Variants in HMMR observed in about 807,000 individuals in gnomAD.
The protein encoded by HMMR is intracellular hyaluronic acid-binding protein.
Under a neutral mutation model 101.0 loss-of-function variants are expected in HMMR, and 108 were observed. The ratio of observed to expected loss-of-function variants is 1.07; its 90% CI spans 0.92 to 1.25. The LOEUF (loss-of-function observed/expected upper bound fraction) is 1.25. Ranked by LOEUF, HMMR falls within the 50% of genes most tolerant of loss-of-function variation. The pLI, the probability that HMMR is intolerant of heterozygous loss-of-function variation, is 0.00. For synonymous variants in HMMR, 296 were observed against 276.4 expected (o/e 1.07, Z -0.70); for missense variants, 813 against 788.7 (o/e 1.03, Z -0.37).
At position 163,471,477 on chromosome 5, in the gene HMMR, T is replaced by G. The variant is rs771965495; in HGVS notation, c.650+14T>G. On this transcript the variant is annotated intron_variant, in intron 7 of 17. Transcript: ENST00000393915. ...GGAGGGAAAACTGTAAGTGAGTGAA[T>G]GTGAAGAGAAATTGTTAAGTGGAAG... is the stretch of plus-strand genomic sequence containing the variant. The G allele has an allele frequency of 1.9e-5, 30 of 1,543,222 alleles. No individual in the cohort carries two copies. In the Middle Eastern group the frequency reaches 5.0e-4, roughly 26 times the overall value.
chr5:163,487,639 G>T, intron 16 of HMMR, among the ~76,000 whole-genome samples: 1 of 151,526 alleles, frequency 6.6e-6, no homozygotes, highest in African/African-American at 2.4e-5. Flanking sequence ...TTCTTGATTC[G>T]GTTTTCTTCT....
intron 16 of HMMR, among the ~76,000 whole-genome samples, chr5:163,485,876 T>C (rs965007258): frequency 1.3e-5 from 2 of 152,226 alleles, no homozygotes; most frequent in African/African-American, 2.4e-5. Context: ...GGACATGCAA[T>C]AGTCCCCACA....
rs148771217 is a variant in HMMR at position 163,485,431 on chromosome 5, A to T, written c.1962+1186A>T. 3.7e-3 allele frequency among the ~76,000 whole-genome samples: 559 copies of T among 152,296 alleles called. 6 individuals are homozygous for T. Among genetic ancestry groups the T allele is most frequent in the Middle Eastern group, 0.01 (3 of 294 alleles). ...ACTTGCATTTTCTTAATTGGTAATG[A>T]TGTTGGTCATCTTTTCATGTGCTTA... is the stretch of plus-strand genomic sequence containing the variant. On this transcript the variant is annotated intron_variant, in intron 16 of 17. Transcript: ENST00000393915.
At chr5:163,473,283 C>A in intron 8 of HMMR, 30 bp downstream of exon 8, 1 of 1,492,792 alleles carries the variant, frequency 6.7e-7, no homozygotes, top group South Asian at 1.2e-5. Flanking sequence ...TAAATTGAAC[C>A]TTATTTTTTT....
intron 4 of HMMR, among the ~76,000 whole-genome samples, 199 bp from the exon 5 acceptor site, chr5:163,469,442 T>C (rs979197290): frequency 2.0e-5 from 3 of 152,176 alleles, no homozygotes; most frequent in Admixed American, 6.5e-5. Context: ...AGTTCTTATG[T>C]TCTTAAAATG....
intron 2 of HMMR, 87 bp from the exon 3 acceptor site, chr5:163,464,636 A>C: frequency 2.2e-6 from 2 of 903,308 alleles, no homozygotes; most frequent in Middle Eastern, 3.3e-4. Context: ...CAAAAAGAGA[A>C]AGACAAAAAA....
At chr5:163,481,066 C>T (rs1355139177) in intron 12 of HMMR, among the ~76,000 whole-genome samples, 1 of 151,898 alleles carries the variant, frequency 6.6e-6, no homozygotes, top group Non-Finnish European at 1.5e-5. Flanking sequence ...CATTTTTCCA[C>T]CTAGAACTGA....
At chr5:163,490,049 T>C (rs11135260) in intron 16 of HMMR, among the ~76,000 whole-genome samples, 6,920 of 152,340 alleles carry the variant, frequency 0.045, 489 homozygotes, top group African/African-American at 0.15. Context: ...AACTGGTTAA[T>C]ATTTTATAAC....
Position 163,475,545 on chromosome 5 carries a change from C to A in HMMR, c.1141C>A (p.Gln381Lys). The A allele has an allele frequency of 1.2e-6, 2 of 1,610,114 alleles. No homozygotes were observed. Among genetic ancestry groups the A allele is most frequent in the South Asian group, 1.1e-5 (1 of 90,944 alleles). ...GAATCTGTTTGAGGAAGAATTAAAG[C>A]AAACACTGGATGAGCTTGATAAATT... ...EKNLFEEELK[Q>K]TLDELDKLQQ... Residue 381 changes from glutamine to lysine, a missense_variant, in exon 11 of 18, where the codon CAA becomes AAA. Coordinates refer to ENST00000393915, the MANE Select transcript of HMMR (RefSeq NM_001142556.2).
intron 3 of HMMR, among the ~76,000 whole-genome samples, chr5:163,465,859 G>A (rs1027498811): frequency 1.3e-5 from 2 of 151,922 alleles, no homozygotes; most frequent in Non-Finnish European, 2.9e-5. Flanking sequence ...TACTTGGGAA[G>A]CTGAGGCAGG....
chr5:163,485,182 C>A (rs1759434454), intron 16 of HMMR, among the ~76,000 whole-genome samples: 1 of 152,256 alleles, frequency 6.6e-6, no homozygotes, highest in Non-Finnish European at 1.5e-5. Flanking sequence ...TACATTTAAT[C>A]ATTTCAGGAA....
In HMMR at chr5:163,463,885, G is replaced by A; in HGVS notation, c.76G>A (p.Val26Ile). 1 of 1,487,176 alleles carries A rather than the reference G, an allele frequency of 6.7e-7. No homozygotes were observed. The highest frequency in any genetic ancestry group is 9.0e-7 in the Non-Finnish European group (1 of 1,116,100). The allele number at this position is 1,487,176 out of a possible 1,614,324, so 92.1% of individuals were successfully genotyped here. A position where few individuals can be genotyped will look rare whatever the true frequency, so the allele number is the denominator to read the frequency against. The change falls in exon 2 of 18, where the codon GTT becomes ATT. Residue 26 changes from valine (V) to isoleucine (I), a missense_variant. By Grantham distance (29) the Val-to-Ile change is conservative. Coordinates refer to ENST00000393915, the MANE Select transcript of HMMR (RefSeq NM_001142556.2). The stretch of plus-strand genomic sequence containing the variant: ...TGCACCATCTCCAGGTGCTTATGAT[G>A]TTAAAACTTTAGAAGTATTGAAAGG... ...GCAPSPGAYD[V>I]KTLEVLKGPV...
chr5:163,487,912 T>G (rs1365516057), intron 16 of HMMR, among the ~76,000 whole-genome samples: 1 of 152,106 alleles, frequency 6.6e-6, no homozygotes, highest in Non-Finnish European at 1.5e-5. Flanking sequence ...TAGAGTGCAG[T>G]GATGCAATCA....
intron 3 of HMMR, among the ~76,000 whole-genome samples, chr5:163,466,406 G>A (rs918503405): frequency 1.3e-5 from 2 of 152,214 alleles, no homozygotes; most frequent in Non-Finnish European, 2.9e-5. Flanking sequence ...ATAGAGCTAT[G>A]TTGTTCTGTA....
rs567581726 is a variant in HMMR at position 163,474,109 on chromosome 5, G to A, written c.957G>A (p.Met319Ile). ...REHNENLNAE[M>I]QNLKQKFILE... ...ACAACGAAAATCTAAATGCAGAGAT[G>A]CAAAACTTAAAACAGAAGTTTATTC... Residue 319 changes from methionine to isoleucine, a missense_variant, in exon 10 of 18, where the codon ATG becomes ATA. Met to Ile is a conservative substitution (Grantham distance 10, BLOSUM62 1). Transcript: ENST00000393915. 32 of 1,611,512 alleles carry A rather than the reference G, an allele frequency of 2.0e-5. No homozygotes were observed. The South Asian group carries it at 3.5e-4, about 18-fold the overall frequency.
Position 163,490,428 on chromosome 5 carries a change from AC to A in HMMR, c.2002del (p.Gln668LysfsTer10). 3 of 1,594,494 alleles carry A rather than the reference AC, an allele frequency of 1.9e-6. No individual in the cohort carries two copies. Among genetic ancestry groups the A allele is most frequent in the Non-Finnish European group, 1.7e-6 (2 of 1,172,812 alleles). On this transcript the variant is annotated frameshift_variant, in exon 17 of 18. Coordinates refer to ENST00000393915, the MANE Select transcript of HMMR (RefSeq NM_001142556.2). LOFTEE classifies it high-confidence loss of function. The stretch of plus-strand genomic sequence containing the variant: ...TCCGCTGTCAGCTTGCTAAAAAAAA[AC>A]AAAGTGAGACAAAACTTCAAGAGGA... Reference protein sequence around the residue: ...KLRCQLAKKKQSETKLQEELN... With the variant: ...KLRCQLAKKKXSETKLQEELN...
intron 3 of HMMR, among the ~76,000 whole-genome samples, chr5:163,467,457 C>T (rs544214045): frequency 3.9e-5 from 6 of 152,300 alleles, no homozygotes; most frequent in African/African-American, 1.4e-4. Flanking sequence ...CTGTTCTTTT[C>T]ACTGGGCTGA....
chr5:163,466,878 A>T (rs1758723108), intron 3 of HMMR, among the ~76,000 whole-genome samples: 1 of 152,214 alleles, frequency 6.6e-6, no homozygotes, highest in Non-Finnish European at 1.5e-5. Context: ...ACTATTATAG[A>T]CACTCTTTTC....
intron 8 of HMMR, 53 bp from the exon 9 acceptor site, chr5:163,473,326 T>A: frequency 6.5e-7 from 1 of 1,529,004 alleles, no homozygotes; most frequent in Non-Finnish European, 9.0e-7. Flanking sequence ...TTTTCTGTTA[T>A]TTTCCCTGTG....
Sources: gnomAD v4.1 joint callset for allele counts (sites outside exome capture counted in the v4.1 genomes callset) on GRCh38, gnomAD v4.1.1 for gene constraint, MANE v1.5 for transcripts, NCBI Gene and HGNC (gene_info 2026-07-23, HGNC 2026-07-21) for gene names.